Variants in INTU observed in about 807,000 individuals in gnomAD.
The protein encoded by INTU is protein inturned.
Under a neutral mutation model 100.5 loss-of-function variants are expected in INTU, and 68 were observed. The ratio of observed to expected loss-of-function variants is 0.68; its 90% confidence interval spans 0.56 to 0.83. The LOEUF is 0.83. Among genes scored for constraint, INTU ranks in the 40% least tolerant of loss-of-function variants. The pLI is 0.00. For missense variants in INTU, 1,071 were observed against 1,114.7 expected (o/e 0.96, Z 0.56); for synonymous variants, 357 against 395.7 (o/e 0.90, Z 1.16).
intron 2 of INTU, among the ~76,000 whole-genome samples, 193 bp from the exon 3 acceptor site, chr4:127,656,443 T>C (rs1249896536): frequency 6.6e-6 from 1 of 152,194 alleles, no homozygotes; most frequent in African/African-American, 2.4e-5. Flanking sequence ...TATTATAGAT[T>C]AAGAAGAGTA....
chr4:127,692,951 A>T (rs1415711183), intron 8 of INTU, among the ~76,000 whole-genome samples: 1 of 151,532 alleles, frequency 6.6e-6, no homozygotes, highest in Non-Finnish European at 1.5e-5. Flanking sequence ...CTATGTGCCT[A>T]ATTTTTATAC....
chr4:127,636,564 A>G (rs1319149099), intron 1 of INTU, among the ~76,000 whole-genome samples: 1 of 150,986 alleles, frequency 6.6e-6, no homozygotes, highest in Non-Finnish European at 1.5e-5. Context: ...GTGAGCCGAG[A>G]TCGCACCATT....
At chr4:127,684,337 A>G in intron 6 of INTU, 72 bp from the exon 7 acceptor site, 1 of 822,412 alleles carries the variant, frequency 1.2e-6, no homozygotes, top group Non-Finnish European at 2.0e-6. Context: ...AAATTCAAGG[A>G]TGATCTACTT....
intron 13 of INTU, 46 bp from the exon 14 acceptor site, chr4:127,710,867 T>C: frequency 8.0e-7 from 1 of 1,246,810 alleles, no homozygotes; most frequent in Non-Finnish European, 1.1e-6. Context: ...TTTTAAAATT[T>C]ACTAAAATTT....
Position 127,720,552 on chromosome 4 carries a change from C to G in INTU, c.*4116C>G, listed in dbSNP as rs912093092. 1 of 151,904 alleles carries G rather than the reference C, an allele frequency of 6.6e-6. No individual in the cohort carries two copies. Among genetic ancestry groups the G allele is most frequent in the South Asian group, 2.1e-4 (1 of 4,800 alleles). The allele number at this position is 151,904 out of a possible 1,614,324, so 9.4% of individuals were successfully genotyped here. Reference sequence around the variant, plus strand: ...GAATAACTTTGTTAATTTTCTGTCTCGATGATCTAATATTGACAGTGGGGT... The same window carrying G: ...GAATAACTTTGTTAATTTTCTGTCTGGATGATCTAATATTGACAGTGGGGT... On this transcript the variant is annotated 3_prime_UTR_variant, in exon 16 of 16. Coordinates refer to ENST00000335251, the MANE Select transcript of INTU (RefSeq NM_015693.4).
chr4:127,691,523 AAT>A (rs1446300439), intron 8 of INTU, among the ~76,000 whole-genome samples: 2 of 152,066 alleles, frequency 1.3e-5, no homozygotes, highest in Non-Finnish European at 2.9e-5. Flanking sequence ...TATGATGTGG[AAT>A]ATCTTTTCAT....
intron 1 of INTU, among the ~76,000 whole-genome samples, chr4:127,640,578 T>C (rs1195599770): frequency 4.1e-4 from 22 of 53,684 alleles, no homozygotes; most frequent in African/African-American, 7.6e-4. Context: ...TATATATATA[T>C]ATATATATAT....
intron 6 of INTU, chr4:127,683,655 T>C (rs1729685699): frequency 6.6e-6 from 1 of 152,174 alleles, no homozygotes. Flanking sequence ...GGACATGTGT[T>C]TTCAGATGGG....
intron 6 of INTU, among the ~76,000 whole-genome samples, chr4:127,678,249 A>T (rs1320558294): frequency 6.6e-6 from 1 of 152,106 alleles, no homozygotes; most frequent in Non-Finnish European, 1.5e-5. Context: ...AAATACAGAG[A>T]ACGCCACAAA....
chr4:127,656,621 T>C lies in INTU; in HGVS notation c.683-15T>C, dbSNP rs768070709. 2 of 1,581,192 alleles carry C rather than the reference T, an allele frequency of 1.3e-6. No homozygotes were observed. The highest frequency in any genetic ancestry group is 1.7e-6 in the Non-Finnish European group (2 of 1,150,824). ...ATATTCATAAAACTATCTTTTATTG[T>C]TATTCTGGTTTCAGGTGATGTCCTT... On this transcript the variant is annotated splice_polypyrimidine_tract_variant and intron_variant, in intron 2 of 15. Transcript: ENST00000335251.
rs1350975636 is a variant in INTU, at chr4:127,720,907, G to T, written c.*4471G>T. On this transcript the variant is annotated 3_prime_UTR_variant, in exon 16 of 16. Transcript: ENST00000335251. ...GTCTCTTGAATACAGCACACTGATA[G>T]AGTTTGACTCTATCCAGCTTGCCAC... is the stretch of plus-strand genomic sequence containing the variant. The T allele has an allele frequency of 6.6e-6, 1 of 152,126 alleles. No individual in the cohort carries two copies. Among genetic ancestry groups the T allele is most frequent in the Non-Finnish European group, 1.5e-5 (1 of 68,022 alleles). 9.4% of individuals were successfully genotyped at this position (152,126 alleles called of 1,614,324 possible).
rs989977645 is a variant in INTU at position 127,719,552 on chromosome 4, A to T, written c.*3116A>T. 1 of 152,086 alleles carries T rather than the reference A, an allele frequency of 6.6e-6. No homozygotes were observed. Among genetic ancestry groups the T allele is most frequent in the African/African-American group, 2.4e-5 (1 of 41,412 alleles). 9.4% of individuals were successfully genotyped at this position (152,086 alleles called of 1,614,324 possible). A position where few individuals can be genotyped will look rare whatever the true frequency, so the allele number is the denominator to read the frequency against. On this transcript the variant is annotated 3_prime_UTR_variant, in exon 16 of 16. Coordinates refer to ENST00000335251, the MANE Select transcript of INTU (RefSeq NM_015693.4). ...CATTTGTTTGGAATAGTTTCAGAAGAAGTGGTATCAGCTTCTTTTTGTATT... is the reference window on the plus strand; with the variant it reads ...CATTTGTTTGGAATAGTTTCAGAAGTAGTGGTATCAGCTTCTTTTTGTATT...
chr4:127,651,505 G>A (rs1222969081), intron 2 of INTU, among the ~76,000 whole-genome samples: 1 of 152,264 alleles, frequency 6.6e-6, no homozygotes, highest in African/African-American at 2.4e-5. Flanking sequence ...TTTTTCTCAG[G>A]TTTGTCAAAG....
At position 127,723,834 on chromosome 4, in the gene INTU, G is replaced by C. The variant is rs1165836886; in HGVS notation, c.*7398G>C. 1 of 151,806 alleles carries C rather than the reference G, an allele frequency of 6.6e-6. No homozygotes were observed. Among genetic ancestry groups the C allele is most frequent in the African/African-American group, 2.4e-5 (1 of 41,278 alleles). The allele number at this position is 151,806 out of a possible 1,614,324, so 9.4% of individuals were successfully genotyped here. ...AAAACACCAAAATTAGCCGGGTGTG[G>C]TAGCACTCTCTTTTAACAGTCCCAG... On this transcript the variant is annotated 3_prime_UTR_variant, in exon 16 of 16. Coordinates refer to ENST00000335251, the MANE Select transcript of INTU (RefSeq NM_015693.4).
In INTU at chr4:127,687,862, A is replaced by G; in HGVS notation, c.1444A>G (p.Ile482Val). The change falls in exon 8 of 16, where the codon ATC becomes GTC. Residue 482 changes from isoleucine (I) to valine (V), a missense_variant. Coordinates refer to ENST00000335251, the MANE Select transcript of INTU (RefSeq NM_015693.4). Reference protein sequence around the residue: ...GVRWLTLPLEIKMELDMALSD... With the variant: ...GVRWLTLPLEVKMELDMALSD... ...CCGGTGGCTCACACTTCCACTGGAA[A>G]TCAAGGTAATCTTAGGTATTATAAA... is the stretch of plus-strand genomic sequence containing the variant. 1.3e-6 allele frequency: 2 copies of G among 1,576,620 alleles called. No individual in the cohort carries two copies. The highest frequency in any genetic ancestry group is 3.4e-5 in the Admixed American group (2 of 58,612).
intron 8 of INTU, among the ~76,000 whole-genome samples, chr4:127,695,953 G>A (rs536323492): frequency 9.7e-4 from 147 of 152,208 alleles, no homozygotes; most frequent in African/African-American, 3.5e-3. Flanking sequence ...ATAGAATCAT[G>A]TGATTTTTTT....
chr4:127,658,651 A>G (rs1728341941), intron 3 of INTU, among the ~76,000 whole-genome samples: 1 of 152,188 alleles, frequency 6.6e-6, no homozygotes, highest in African/African-American at 2.4e-5. Context: ...TCTTTCTTCA[A>G]AAATATGAAA....
chr4:127,678,251 C>G (rs558217376), intron 6 of INTU, among the ~76,000 whole-genome samples: 127 of 151,992 alleles, frequency 8.4e-4, no homozygotes, highest in South Asian at 2.5e-3. Flanking sequence ...ATACAGAGAA[C>G]GCCACAAAGA....
Position 127,716,430 on chromosome 4 carries a change from C to T in INTU, c.2823C>T (p.Thr941=), listed in dbSNP as rs779498005. 6.5e-7 allele frequency: 1 copy of T among 1,531,386 alleles called. No individual in the cohort carries two copies. The highest frequency in any genetic ancestry group is 8.9e-7 in the Non-Finnish European group (1 of 1,123,828). The allele number at this position is 1,531,386 out of a possible 1,614,324, so 94.9% of individuals were successfully genotyped here. ...EIAFKLFFGL[T]L is the part of the protein sequence containing the mutation. ...CTTTTAAATTGTTCTTTGGGTTAAC[C>T]TTGTAGCTGTGCTTTCTTGATGCGT... Residue 941 remains threonine (T), a synonymous_variant, in exon 16 of 16, where the codon ACC becomes ACT. Transcript: ENST00000335251.
Sources: allele counts gnomAD v4.1 joint callset (sites outside exome capture counted in the v4.1 genomes callset), GRCh38; gene constraint gnomAD v4.1.1; transcripts MANE v1.5; gene names NCBI Gene and HGNC (gene_info 2026-07-23, HGNC 2026-07-21).